The following LARP4B variants were observed in gnomAD, a reference collection of about 807,000 sequenced individuals.
The protein encoded by LARP4B is La ribonucleoprotein 4B, also known as la-related protein 4B.
LARP4B carries 12 observed loss-of-function variants against 89.8 expected under a neutral mutation model. The observed-to-expected ratio is 0.13, with a 90% CI of 0.09 to 0.22. LARP4B has a LOEUF of 0.22. LARP4B is among the 10% of genes least tolerant of loss of function. The pLI is 1.00. For missense variants in LARP4B, 757 were observed against 947.7 expected (o/e 0.80, Z 2.64); for synonymous variants, 367 against 363.3 (o/e 1.01, Z -0.12).
intron 8 of LARP4B, among the ~76,000 whole-genome samples, chr10:834,326 A>G (rs1305000611): frequency 6.6e-6 from 1 of 152,182 alleles, no homozygotes; most frequent in African/African-American, 2.4e-5. Context: ...GTCAAACAAT[A>G]ATACTTTAAG....
At chr10:819,275 G>C (rs1054293060) in intron 14 of LARP4B, 1 of 152,160 alleles carries the variant, frequency 6.6e-6, no homozygotes, top group Non-Finnish European at 1.5e-5. Flanking sequence ...ATCTCAACTT[G>C]TAGAAGCAAA....
the LARP4B span, among the ~76,000 whole-genome samples, chr10:978,942 C>G: frequency 1.3e-5 from 2 of 152,140 alleles, no homozygotes; most frequent in Middle Eastern, 3.4e-3. Context: ...ACCCCCCCTC[C>G]TTAATATTGA....
chr10:984,916 A>G, the LARP4B span, among the ~76,000 whole-genome samples: 16 of 152,198 alleles, frequency 1.1e-4, no homozygotes, highest in Non-Finnish European at 1.8e-4. Context: ...TAGGCGACAG[A>G]GTGAGACCCT....
At chr10:955,142 A>G in the LARP4B span, among the ~76,000 whole-genome samples, 1 of 151,406 alleles carries the variant, frequency 6.6e-6, no homozygotes, top group Non-Finnish European at 1.5e-5. This position sits in a 1 kb window ranked among gnomAD's most constrained non-coding sequence, Gnocchi z 5.2. Context: ...CCACAGCCAC[A>G]CTCTCGGGCA....
chr10:846,998 C>T (rs546586215), intron 5 of LARP4B, among the ~76,000 whole-genome samples: 13 of 152,252 alleles, frequency 8.5e-5, no homozygotes, highest in African/African-American at 2.9e-4. Flanking sequence ...TTGAAACTAA[C>T]TACTAGATCT....
At chr10:869,982 A>G (rs1835119769) in intron 3 of LARP4B, 6 of 745,404 alleles carry the variant, frequency 8.0e-6, no homozygotes, top group Non-Finnish European at 9.8e-6. Flanking sequence ...ATACCGCAGC[A>G]CAATAGTAAA....
chr10:917,479 G>GT (rs1246841369), intron 1 of LARP4B, among the ~76,000 whole-genome samples: 1 of 152,184 alleles, frequency 6.6e-6, no homozygotes, highest in Non-Finnish European at 1.5e-5. Context: ...CTGGAATGGC[G>GT]TATTTTAAGA....
At chr10:962,298 C>CAAAAAAA in the LARP4B span, among the ~76,000 whole-genome samples, 3 of 60,586 alleles carry the variant, frequency 5.0e-5, no homozygotes, top group Non-Finnish European at 1.1e-4. Context: ...ACTCCATCTC[C>CAAAAAAA]AAAAAAAAAA....
At chr10:943,788 C>A in the LARP4B span, among the ~76,000 whole-genome samples, 2 of 151,158 alleles carry the variant, frequency 1.3e-5, no homozygotes, top group East Asian at 3.9e-4. Flanking sequence ...GTCGGGAGGG[C>A]CCGGGGAGTG....
intron 7 of LARP4B, among the ~76,000 whole-genome samples, chr10:839,115 G>T (rs1007557537): frequency 6.6e-6 from 1 of 152,194 alleles, no homozygotes; most frequent in African/African-American, 2.4e-5. Flanking sequence ...GGGGAGGCAG[G>T]GATGCACGGG....
At chr10:887,079 C>T (rs530575044) in intron 1 of LARP4B, among the ~76,000 whole-genome samples, 3 of 149,104 alleles carry the variant, frequency 2.0e-5, no homozygotes, top group Non-Finnish European at 4.5e-5. Flanking sequence ...AAGAGTGAAA[C>T]TCCACCTCAC....
intron 1 of LARP4B, among the ~76,000 whole-genome samples, chr10:928,688 C>T (rs1837221335): frequency 6.6e-6 from 1 of 152,156 alleles, no homozygotes; most frequent in Non-Finnish European, 1.5e-5. Context: ...CTCAAGCGAT[C>T]TTCCCACTTC....
chr10:962,526 CTG>C, the LARP4B span, among the ~76,000 whole-genome samples: 1 of 152,142 alleles, frequency 6.6e-6, no homozygotes, highest in Non-Finnish European at 1.5e-5. Flanking sequence ...ACAGAGATGA[CTG>C]TACTCAGTGA....
In LARP4B at chr10:868,913, T is replaced by C. The variant is rs560362447; in HGVS notation, c.142-4643A>G. ...CATGAATAAACCACTGGTTGAATAA[T>C]GAGATCTTGCTACTCTGAGTATGTG... On this transcript the variant is annotated intron_variant, in intron 3 of 17. Transcript: ENST00000316157. Among the ~76,000 whole-genome samples, 46 of 152,372 alleles carry C rather than the reference T, an allele frequency of 3.0e-4. 2 individuals carry two copies. In the South Asian group the frequency reaches 9.3e-3, roughly 31 times the overall value.
chr10:950,352 G>T, the LARP4B span, among the ~76,000 whole-genome samples: 1 of 152,192 alleles, frequency 6.6e-6, no homozygotes, highest in African/African-American at 2.4e-5. Context: ...CAATCCCAAA[G>T]ATTTTCTCTG....
chr10:958,345 C>A, the LARP4B span, among the ~76,000 whole-genome samples: 1 of 152,218 alleles, frequency 6.6e-6, no homozygotes, highest in Non-Finnish European at 1.5e-5. Context: ...GGCGCAGACA[C>A]CCCGTGAAAG....
At chr10:983,407 A>G in the LARP4B span, among the ~76,000 whole-genome samples, 2 of 152,336 alleles carry the variant, frequency 1.3e-5, no homozygotes, top group Non-Finnish European at 2.9e-5. Context: ...TTGGGCTGCC[A>G]TAACAAAATA....
chr10:919,005 CGA>C (rs1349240261), intron 1 of LARP4B, among the ~76,000 whole-genome samples: 5 of 151,810 alleles, frequency 3.3e-5, no homozygotes, highest in Non-Finnish European at 7.4e-5. Context: ...GGCGTGAACC[CGA>C]GAGGCGGAGT....
chr10:828,300 T>G (rs1314111263), intron 11 of LARP4B, among the ~76,000 whole-genome samples: 3 of 152,230 alleles, frequency 2.0e-5, no homozygotes, highest in Non-Finnish European at 4.4e-5. Flanking sequence ...ATACTTAACC[T>G]GAAAAGCTCA....
Sources: gnomAD v4.1 joint callset for allele counts (sites outside exome capture counted in the v4.1 genomes callset) on GRCh38, gnomAD v4.1.1 for gene constraint, Gnocchi (gnomAD v3.1) non-coding constraint, MANE v1.5 for transcripts, NCBI Gene and HGNC (gene_info 2026-07-23, HGNC 2026-07-21) for gene names.